STX18: variants seen among roughly 807,000 people sequenced by gnomAD.
STX18 encodes syntaxin 18, also known as syntaxin-18.
A neutral mutation model predicts 50.1 loss-of-function variants in STX18; 40 were observed. The ratio of observed to expected loss-of-function variants is 0.80; its 90% confidence interval spans 0.62 to 1.04. The LOEUF is 1.04. Ranked by LOEUF, STX18 falls within the 50% of genes least tolerant of loss-of-function variation. The probability of loss-of-function intolerance (pLI) is 0.00; values close to 1 mark genes in which losing one functional copy is unlikely to be tolerated. For synonymous variants in STX18, 158 were observed against 151.8 expected, an observed-to-expected ratio of 1.04 and a Z score of -0.30; for missense variants, 410 against 415.8, an observed-to-expected ratio of 0.99 and a Z score of 0.12.
intron 1 of STX18, among the ~76,000 whole-genome samples, chr4:4,472,061 C>T (rs1012973375): frequency 6.6e-6 from 1 of 152,210 alleles, no homozygotes; most frequent in Non-Finnish European, 1.5e-5. Context: ...AGCAAGTATT[C>T]CTTCTTCCAA....
At chr4:4,537,388 C>T (rs1731393280) in intron 1 of STX18, among the ~76,000 whole-genome samples, 1 of 152,168 alleles carries the variant, frequency 6.6e-6, no homozygotes, top group African/African-American at 2.4e-5. Context: ...CTGCCTTTTC[C>T]ATGATTCTGG....
intron 1 of STX18, among the ~76,000 whole-genome samples, chr4:4,515,797 G>A (rs910493315): frequency 6.6e-6 from 1 of 151,890 alleles, no homozygotes; most frequent in Non-Finnish European, 1.5e-5. Context: ...CATTTTAAAG[G>A]CTACTTAAAA....
At chr4:4,508,930 A>G (rs1451178321) in intron 1 of STX18, among the ~76,000 whole-genome samples, 1 of 152,166 alleles carries the variant, frequency 6.6e-6, no homozygotes, top group African/African-American at 2.4e-5. Flanking sequence ...TTCATGGTGT[A>G]TATGTACTGC....
chr4:4,420,863 C>A lies in STX18; in HGVS notation c.912+1G>T. On this transcript the variant is annotated splice_donor_variant, in intron 10 of 10. Transcript: ENST00000306200. LOFTEE classifies it high-confidence loss of function. The surrounding 1 kb of genome is among the most constrained non-coding windows in gnomAD (Gnocchi z 4.3). Reference sequence around the variant, plus strand: ...ACCTGGGGAACCTAAACAGTGCCTACCTCTCTTATGTCTTCGTTGCCTTCC... The same window carrying A: ...ACCTGGGGAACCTAAACAGTGCCTAACTCTCTTATGTCTTCGTTGCCTTCC... 7 of 1,614,074 alleles carry A rather than the reference C, an allele frequency of 4.3e-6. No homozygotes were observed. Among genetic ancestry groups the A allele is most frequent in the Non-Finnish European group, 5.9e-6 (7 of 1,179,970 alleles).
intron 8 of STX18, among the ~76,000 whole-genome samples, chr4:4,424,624 A>G (rs1725150721): frequency 6.6e-6 from 1 of 152,178 alleles, no homozygotes; most frequent in Non-Finnish European, 1.5e-5. Context: ...TCCACAATAC[A>G]ACAGGCTCTG....
chr4:4,437,489 G>A, intron 6 of STX18: 2 of 357,170 alleles, frequency 5.6e-6, no homozygotes, highest in South Asian at 1.1e-4. Context: ...TGCTCAACTG[G>A]TAAGGACAAT....
chr4:4,507,366 T>C, intron 1 of STX18: 4 of 753,588 alleles, frequency 5.3e-6, no homozygotes, highest in Non-Finnish European at 1.0e-5. Context: ...AAGTTGGTGG[T>C]GGTCAGAAAG....
intron 2 of STX18, among the ~76,000 whole-genome samples, chr4:4,468,194 C>A (rs1369368100): frequency 6.6e-6 from 1 of 151,630 alleles, no homozygotes; most frequent in East Asian, 1.9e-4. Flanking sequence ...CCTTTTTTTT[C>A]CTCCTTAGTC....
At chr4:4,519,392 A>G (rs1730417908) in intron 1 of STX18, among the ~76,000 whole-genome samples, 1 of 152,130 alleles carries the variant, frequency 6.6e-6, no homozygotes, top group Non-Finnish European at 1.5e-5. Context: ...ATCTATCTAA[A>G]GCTACTAACA....
intron 1 of STX18, among the ~76,000 whole-genome samples, chr4:4,513,736 T>C (rs751472880): frequency 3.3e-5 from 5 of 152,188 alleles, no homozygotes; most frequent in Admixed American, 6.5e-5. Context: ...GAGTAAAAAC[T>C]ACCCCAGCAC....
At chr4:4,479,830 A>G (rs112236582) in intron 1 of STX18, among the ~76,000 whole-genome samples, 283 of 152,358 alleles carry the variant, frequency 1.9e-3, no homozygotes, top group African/African-American at 6.6e-3. Flanking sequence ...TCTTATACAC[A>G]TAAAGGTTTT....
intron 1 of STX18, among the ~76,000 whole-genome samples, chr4:4,484,158 G>A (rs1049317399): frequency 1.2e-4 from 18 of 151,998 alleles, no homozygotes; most frequent in Non-Finnish European, 2.4e-4. Flanking sequence ...CACCGTGCCC[G>A]GCCCCTTCCT....
At chr4:4,457,569 C>T (rs1727146653) in intron 3 of STX18, 69 bp from the exon 4 acceptor site, 1 of 1,150,054 alleles carries the variant, frequency 8.7e-7, no homozygotes, top group African/African-American at 1.5e-5. Context: ...CATCAGCTTC[C>T]TCACAACACT....
chr4:4,470,296 C>A (rs1416982265), intron 2 of STX18, among the ~76,000 whole-genome samples: 1 of 152,020 alleles, frequency 6.6e-6, no homozygotes, highest in Non-Finnish European at 1.5e-5. Flanking sequence ...CCACTAAATG[C>A]GCAATACTCC....
At position 4,474,452 on chromosome 4, in the gene STX18, C is replaced by T. The variant is rs4689631; in HGVS notation, c.169-2746G>A. On this transcript the variant is annotated intron_variant, in intron 1 of 10. Coordinates refer to ENST00000306200, the MANE Select transcript of STX18 (RefSeq NM_016930.4). The stretch of plus-strand genomic sequence containing the variant: ...TACCGTAGGCAGAATAATGGTTTTC[C>T]AGCTTCCCCAGGCCCATCCCCCTGT... 2.9e-3 allele frequency among the ~76,000 whole-genome samples: 437 copies of T among 152,248 alleles called. 10 individuals are homozygous for T. Among genetic ancestry groups the T allele is most frequent in the Admixed American group, 0.016 (243 of 15,306 alleles).
At chr4:4,513,122 T>C (rs537363136) in intron 1 of STX18, among the ~76,000 whole-genome samples, 1 of 152,104 alleles carries the variant, frequency 6.6e-6, no homozygotes, top group Non-Finnish European at 1.5e-5. Context: ...TCCCAGAGAA[T>C]GAGAGGAGAC....
intron 1 of STX18, among the ~76,000 whole-genome samples, chr4:4,530,757 C>T (rs1731054303): frequency 6.6e-6 from 1 of 152,058 alleles, no homozygotes; most frequent in South Asian, 2.1e-4. Context: ...AGGTGTGTGC[C>T]AAAGCGGCAG....
intron 1 of STX18, among the ~76,000 whole-genome samples, chr4:4,501,817 A>G (rs1173002622): frequency 6.6e-6 from 1 of 152,236 alleles, no homozygotes; most frequent in Non-Finnish European, 1.5e-5. Context: ...ATTTAAATAC[A>G]TAACCCAGTT....
chr4:4,515,293 T>C (rs990131838), intron 1 of STX18, among the ~76,000 whole-genome samples: 6 of 152,186 alleles, frequency 3.9e-5, no homozygotes, highest in Non-Finnish European at 5.9e-5. Flanking sequence ...GTGATAATTG[T>C]AATGTGAATA....
Sources: allele counts gnomAD v4.1 joint callset (sites outside exome capture counted in the v4.1 genomes callset), GRCh38; gene constraint gnomAD v4.1.1; non-coding constraint Gnocchi (gnomAD v3.1); transcripts MANE v1.5; gene names NCBI Gene and HGNC (gene_info 2026-07-23, HGNC 2026-07-21).